The following VPS41 variants were observed in gnomAD, a reference collection of about 807,000 sequenced individuals.
The protein encoded by VPS41 is VPS41 subunit of HOPS complex, also known as vacuolar protein sorting-associated protein 41 homolog.
In VPS41, 85 loss-of-function variants were observed where a neutral mutation model predicts 130.9. The ratio of observed to expected loss-of-function variants is 0.65; its 90% CI spans 0.55 to 0.78. VPS41 has a LOEUF of 0.78. VPS41 is among the 30% of genes least tolerant of loss of function. The probability of loss-of-function intolerance (pLI) is 0.00; values close to 1 mark genes in which losing one functional copy is unlikely to be tolerated. For synonymous variants in VPS41, 335 were observed against 332.9 expected (o/e 1.01, Z -0.07); for missense variants, 874 against 1,018.7 (o/e 0.86, Z 1.93).
At position 38,807,405 on chromosome 7, in the gene VPS41, T is replaced by C. The variant is rs10265859; in HGVS notation, c.450+10412A>G. ...AATTAAAAGGAAAACAAACAAACCATACAGGTCGAGGGGGATCCAAAAGGC... is the reference window on the plus strand; with the variant it reads ...AATTAAAAGGAAAACAAACAAACCACACAGGTCGAGGGGGATCCAAAAGGC... On this transcript the variant is annotated intron_variant, in intron 7 of 28. Coordinates refer to ENST00000310301, the MANE Select transcript of VPS41 (RefSeq NM_014396.4). Among the ~76,000 whole-genome samples the C allele has an allele frequency of 2.5e-3, 383 of 152,094 alleles. 1 individual carries two copies. Among genetic ancestry groups the C allele is most frequent in the African/African-American group, 8.9e-3 (368 of 41,512 alleles).
Position 38,864,659 on chromosome 7 carries a change from T to C in VPS41, c.169-2037A>G, listed in dbSNP as rs548411946. Among the ~76,000 whole-genome samples the C allele has an allele frequency of 4.6e-5, 7 of 152,224 alleles. No individual in the cohort carries two copies. The East Asian group carries it at 1.4e-3, about 29-fold the overall frequency. ...CCACTACTTAAAATATAACAAAAAA[T>C]GCAAAATGGCCACAAATGTGACAAC... On this transcript the variant is annotated intron_variant, in intron 3 of 28. Transcript: ENST00000310301.
chr7:38,816,958 T>C (rs1456434854), intron 7 of VPS41, among the ~76,000 whole-genome samples: 1 of 152,010 alleles, frequency 6.6e-6, no homozygotes, highest in Non-Finnish European at 1.5e-5. Context: ...CCCAGGCTGG[T>C]TTCAAACTCC....
intron 4 of VPS41, among the ~76,000 whole-genome samples, chr7:38,838,639 C>T (rs112809393): frequency 2.9e-4 from 44 of 152,150 alleles, no homozygotes; most frequent in African/African-American, 9.4e-4. Flanking sequence ...AAAAGAAGTC[C>T]GAGTAAGCAG....
chr7:38,893,726 GT>G (rs1786915286), intron 2 of VPS41, among the ~76,000 whole-genome samples: 1 of 152,084 alleles, frequency 6.6e-6, no homozygotes, highest in Non-Finnish European at 1.5e-5. Context: ...AACTATCTTG[GT>G]TGTAACATGA....
At chr7:38,801,408 G>A (rs529859503) in intron 7 of VPS41, among the ~76,000 whole-genome samples, 14 of 152,210 alleles carry the variant, frequency 9.2e-5, no homozygotes, top group Admixed American at 2.0e-4. Flanking sequence ...CAGGATTCAC[G>A]TTATTTTCTT....
intron 4 of VPS41, among the ~76,000 whole-genome samples, chr7:38,834,971 A>T (rs1584419280): frequency 6.6e-6 from 1 of 152,064 alleles, no homozygotes; most frequent in East Asian, 1.9e-4. Flanking sequence ...AATAAATAGT[A>T]AAACTATTAC....
intron 10 of VPS41, among the ~76,000 whole-genome samples, chr7:38,780,468 A>T (rs1784336858): frequency 6.6e-6 from 1 of 152,140 alleles, no homozygotes; most frequent in Admixed American, 6.5e-5. Context: ...GAAATAACTC[A>T]AGAAAAAAGA....
chr7:38,855,975 C>G (rs1416460375), intron 4 of VPS41, among the ~76,000 whole-genome samples: 1 of 152,172 alleles, frequency 6.6e-6, no homozygotes, highest in Admixed American at 6.5e-5. Context: ...GGTCCTCAAT[C>G]TGCCAGTATG....
intron 4 of VPS41, among the ~76,000 whole-genome samples, chr7:38,852,047 G>A (rs760564124): frequency 2.6e-5 from 4 of 152,266 alleles, no homozygotes; most frequent in East Asian, 1.9e-4. Flanking sequence ...AAGTATAGCC[G>A]CACCAGAACA....
rs142722459 is a variant in VPS41, at chr7:38,890,730, G to T, written c.60+7361C>A. 6.2e-3 allele frequency among the ~76,000 whole-genome samples: 933 copies of T among 151,514 alleles called. 8 individuals carry two copies. The highest frequency in any genetic ancestry group is 0.027 in the Middle Eastern group (8 of 294). On this transcript the variant is annotated intron_variant, in intron 2 of 28. Transcript: ENST00000310301. ...AGATAGGGTCTTGCTCTGCTGTCCA[G>T]TCTGGAGTGCAGTGGCATAATCATG...
At chr7:38,775,516 T>G (rs1028561571) in intron 11 of VPS41, 17 of 152,086 alleles carry the variant, frequency 1.1e-4, no homozygotes, top group African/African-American at 4.1e-4. Context: ...TTTCCTGCAT[T>G]CCTCCTCAAA....
chr7:38,734,910 T>A (rs1488240666), intron 25 of VPS41, among the ~76,000 whole-genome samples: 1 of 152,194 alleles, frequency 6.6e-6, no homozygotes, highest in Non-Finnish European at 1.5e-5. Context: ...TAGGTCACAA[T>A]GCTATGGGAC....
intron 4 of VPS41, among the ~76,000 whole-genome samples, chr7:38,832,576 A>C (rs776790363): frequency 1.3e-5 from 2 of 152,042 alleles, no homozygotes; most frequent in Non-Finnish European, 2.9e-5. Context: ...GGGTGTACAT[A>C]GTATGTTCTG....
intron 17 of VPS41, among the ~76,000 whole-genome samples, chr7:38,759,792 A>G (rs1436732365): frequency 1.3e-5 from 2 of 152,172 alleles, no homozygotes; most frequent in Admixed American, 1.3e-4. Context: ...CCCACCACCA[A>G]GAGTCCTCTA....
At chr7:38,865,635 A>G (rs1786212964) in intron 3 of VPS41, among the ~76,000 whole-genome samples, 1 of 152,224 alleles carries the variant, frequency 6.6e-6, no homozygotes, top group African/African-American at 2.4e-5. Context: ...AAATTAGAAA[A>G]TAGACACCAA....
chr7:38,726,917 G>A lies in VPS41; in HGVS notation c.2476C>T (p.Pro826Ser). 3 of 1,574,914 alleles carry A rather than the reference G, an allele frequency of 1.9e-6. No individual in the cohort carries two copies. Among genetic ancestry groups the A allele is most frequent in the East Asian group, 2.4e-5 (1 of 42,206 alleles). Residue 826 changes from proline to serine, a missense_variant, in exon 28 of 29, where the codon CCC (proline) becomes TCC (serine). Pro to Ser is a moderately conservative substitution (Grantham distance 74, BLOSUM62 -1). Transcript: ENST00000310301. Reference protein sequence around the residue: ...HMFHKECLPMPSMNSAAQFCN... With the variant: ...HMFHKECLPMSSMNSAAQFCN... ...CCAAGCTGCCAACTCACCATGCTGG[G>A]CATGGGCAGGCACTCCTTGTGGAAC... is the stretch of plus-strand genomic sequence containing the variant.
chr7:38,758,283 G>T, intron 18 of VPS41, 71 bp downstream of exon 18: 1 of 1,423,188 alleles, frequency 7.0e-7, no homozygotes, highest in Non-Finnish European at 9.5e-7. Context: ...CTTGGAGTTT[G>T]CCAAATCTAA....
chr7:38,904,496 T>C (rs1379505885), intron 1 of VPS41, among the ~76,000 whole-genome samples: 1 of 152,200 alleles, frequency 6.6e-6, no homozygotes, highest in East Asian at 1.9e-4. Context: ...ATATCTATCT[T>C]AGCCAAACTG....
At chr7:38,886,168 C>G (rs1786726966) in intron 2 of VPS41, among the ~76,000 whole-genome samples, 1 of 151,936 alleles carries the variant, frequency 6.6e-6, no homozygotes, top group Non-Finnish European at 1.5e-5. Flanking sequence ...TGGGTGCAGC[C>G]CACAGAGGGC....
Sources: gnomAD v4.1 joint callset for allele counts (sites outside exome capture counted in the v4.1 genomes callset) on GRCh38, gnomAD v4.1.1 for gene constraint, MANE v1.5 for transcripts, NCBI Gene and HGNC (gene_info 2026-07-23, HGNC 2026-07-21) for gene names.